The following TDRD5 variants were observed in gnomAD, a reference collection of about 807,000 sequenced individuals.
TDRD5 encodes the protein tudor domain-containing protein 5.
A neutral mutation model predicts 120.6 loss-of-function variants in TDRD5; 41 were observed. That is an observed-to-expected ratio of 0.34 (90% CI 0.26 to 0.44). The LOEUF (loss-of-function observed/expected upper bound fraction) is 0.44. Ranked by LOEUF, TDRD5 falls within the 20% of genes least tolerant of loss-of-function variation. TDRD5 has a pLI of 1.00. For missense variants in TDRD5, 1,006 were observed against 1,221.2 expected (o/e 0.82, Z 2.63); for synonymous variants, 430 against 433.7 (o/e 0.99, Z 0.11).
chr1:179,625,670 C>A (rs914442770), intron 6 of TDRD5, among the ~76,000 whole-genome samples: 1 of 152,156 alleles, frequency 6.6e-6, no homozygotes, highest in African/African-American at 2.4e-5. Context: ...TATTCAAACT[C>A]TGTGTCCTCA....
Position 179,635,732 on chromosome 1 carries a change from T to C in TDRD5, c.1365T>C (p.Ala455=), listed in dbSNP as rs200068270. The part of the protein sequence containing the change: ...AMANHDIPPD[A]VPNKKLCRLP... Reference sequence around the variant, plus strand: ...CAAATCATGACATCCCGCCAGACGCTGTGCCGAACAAGAAATTATGCAGAC... The same window carrying C: ...CAAATCATGACATCCCGCCAGACGCCGTGCCGAACAAGAAATTATGCAGAC... The change falls in exon 9 of 18, where the codon GCT becomes GCC. Residue 455 remains alanine, a synonymous_variant. Transcript: ENST00000444136. 6.1e-5 allele frequency: 98 copies of C among 1,614,142 alleles called. No homozygotes were observed. Among genetic ancestry groups the C allele is most frequent in the Non-Finnish European group, 2.1e-5 (25 of 1,180,010 alleles).
intron 8 of TDRD5, 73 bp from the exon 9 acceptor site, chr1:179,635,594 G>A (rs2102014025): frequency 2.2e-6 from 3 of 1,333,466 alleles, no homozygotes; most frequent in South Asian, 1.4e-5. Flanking sequence ...TTCATGAAAT[G>A]TGCTTTGAGA....
chr1:179,663,539 C>T lies in TDRD5; in HGVS notation c.2649+48C>T, dbSNP rs769806777. 11 of 1,543,506 alleles carry T rather than the reference C, an allele frequency of 7.1e-6. 1 individual carries two copies. The South Asian group carries it at 1.3e-4, about 18-fold the overall frequency. On this transcript the variant is annotated intron_variant, in intron 16 of 17. Transcript: ENST00000444136. ...TGGGACAGGTTTGCATAAGGAAGTC[C>T]TTTCATTTTTAGAAAGCAAAATTGT... is the stretch of plus-strand genomic sequence containing the variant.
intron 14 of TDRD5, among the ~76,000 whole-genome samples, chr1:179,658,285 C>T (rs1268881033): frequency 6.6e-6 from 1 of 152,046 alleles, no homozygotes; most frequent in Non-Finnish European, 1.5e-5. Flanking sequence ...TGGAAGTATT[C>T]GCTCATCTAT....
intron 11 of TDRD5, among the ~76,000 whole-genome samples, 178 bp downstream of exon 11, chr1:179,640,623 G>T (rs998969564): frequency 6.6e-6 from 1 of 152,188 alleles, no homozygotes; most frequent in Non-Finnish European, 1.5e-5. Context: ...TATAAAATTT[G>T]CTATAGGAGA....
intron 6 of TDRD5, among the ~76,000 whole-genome samples, chr1:179,627,522 G>A (rs919536838): frequency 6.6e-6 from 1 of 152,132 alleles, no homozygotes; most frequent in Non-Finnish European, 1.5e-5. Flanking sequence ...TAAAGCAAAT[G>A]AATAATTAGA....
intron 17 of TDRD5, among the ~76,000 whole-genome samples, chr1:179,682,175 A>G (rs1396196491): frequency 1.3e-5 from 2 of 150,728 alleles, no homozygotes; most frequent in African/African-American, 2.4e-5. Context: ...CAGGTCATAT[A>G]CATTCTTTGT....
Position 179,662,278 on chromosome 1 carries a change from C to T in TDRD5, c.2497C>T (p.Pro833Ser), listed in dbSNP as rs775742289. ...TCAGTATTCATCATGTAAAGAAATGCCACAGAAGGTTAGATCCTTGGAAAA... is the reference window on the plus strand; with the variant it reads ...TCAGTATTCATCATGTAAAGAAATGTCACAGAAGGTTAGATCCTTGGAAAA... The part of the protein sequence containing the change: ...KNQYSSCKEM[P>S]QKDWCFSTPK... Residue 833 changes from proline to serine, a missense_variant, in exon 15 of 18, where the codon CCA becomes TCA. Pro to Ser is a moderately conservative substitution (Grantham distance 74, BLOSUM62 -1). Transcript: ENST00000444136. 1.9e-6 allele frequency: 3 copies of T among 1,606,892 alleles called. No individual in the cohort carries two copies.
At chr1:179,658,570 A>C (rs1228524336) in intron 14 of TDRD5, among the ~76,000 whole-genome samples, 1 of 152,178 alleles carries the variant, frequency 6.6e-6, no homozygotes, top group East Asian at 1.9e-4. Context: ...TATATGTATA[A>C]CATTGTTTAT....
intron 6 of TDRD5, 31 bp from the exon 7 acceptor site, chr1:179,630,736 G>A: frequency 6.2e-7 from 1 of 1,606,652 alleles, no homozygotes; most frequent in East Asian, 2.2e-5. Flanking sequence ...ATCTAATGCT[G>A]TTTCATGTAA....
chr1:179,671,924 T>A (rs1483581750), intron 17 of TDRD5, among the ~76,000 whole-genome samples: 1 of 151,928 alleles, frequency 6.6e-6, no homozygotes, highest in African/African-American at 2.4e-5. Flanking sequence ...ATTTCGTTCC[T>A]TTTTATGGCT....
chr1:179,644,878 T>G lies in TDRD5; in HGVS notation c.1800+4433T>G, dbSNP rs916156152. ...TACTATTTCCTTAATTCTACTTTCT[T>G]TGGGTTTATTTTGCTGTTCTTTCCC... On this transcript the variant is annotated intron_variant, in intron 11 of 17. Coordinates refer to ENST00000444136, the MANE Select transcript of TDRD5 (RefSeq NM_001199085.3). Among the ~76,000 whole-genome samples the G allele has an allele frequency of 3.9e-5, 6 of 152,044 alleles. No individual in the cohort carries two copies. The East Asian group carries it at 1.2e-3, about 29-fold the overall frequency.
chr1:179,648,638 CA>C (rs955084744), intron 11 of TDRD5, among the ~76,000 whole-genome samples: 7 of 141,390 alleles, frequency 5.0e-5, no homozygotes, highest in East Asian at 2.1e-4. Flanking sequence ...AAAAAAAAAA[CA>C]AAAAAAAATT....
chr1:179,680,235 A>G (rs1437813034), intron 17 of TDRD5, among the ~76,000 whole-genome samples: 1 of 152,110 alleles, frequency 6.6e-6, no homozygotes, highest in Admixed American at 6.5e-5. Flanking sequence ...CTATTTTTGT[A>G]AATGCTTTAC....
chr1:179,663,081 GA>G (rs34396243), intron 15 of TDRD5, among the ~76,000 whole-genome samples: 3 of 151,912 alleles, frequency 2.0e-5, no homozygotes, highest in African/African-American at 7.3e-5. Context: ...AGGTGATCAT[GA>G]AAAAAATCAT....
In TDRD5 at chr1:179,663,538, C is replaced by T. The variant is rs541940860; in HGVS notation, c.2649+47C>T. 15 of 1,543,366 alleles carry T rather than the reference C, an allele frequency of 9.7e-6. No homozygotes were observed. The East Asian group carries it at 3.2e-4, about 33-fold the overall frequency. On this transcript the variant is annotated intron_variant, in intron 16 of 17. Coordinates refer to ENST00000444136, the MANE Select transcript of TDRD5 (RefSeq NM_001199085.3). ...TTGGGACAGGTTTGCATAAGGAAGT[C>T]CTTTCATTTTTAGAAAGCAAAATTG...
At chr1:179,641,951 G>A (rs1040431076) in intron 11 of TDRD5, among the ~76,000 whole-genome samples, 10 of 152,022 alleles carry the variant, frequency 6.6e-5, no homozygotes, top group Non-Finnish European at 1.2e-4. Context: ...TTTTATTTCC[G>A]ATAAGTTTCT....
At chr1:179,680,001 T>C (rs1041182999) in intron 17 of TDRD5, among the ~76,000 whole-genome samples, 4 of 152,194 alleles carry the variant, frequency 2.6e-5, no homozygotes, top group African/African-American at 9.6e-5. Context: ...CCATGAATTT[T>C]GATATGTTGC....
chr1:179,646,951 G>C (rs1678405690), intron 11 of TDRD5, among the ~76,000 whole-genome samples: 1 of 149,262 alleles, frequency 6.7e-6, no homozygotes, highest in Non-Finnish European at 1.5e-5. Context: ...AAATAAAAGA[G>C]GATACAAACA....
Sources: allele counts gnomAD v4.1 joint callset (sites outside exome capture counted in the v4.1 genomes callset), GRCh38; gene constraint gnomAD v4.1.1; transcripts MANE v1.5; gene names NCBI Gene and HGNC (gene_info 2026-07-23, HGNC 2026-07-21).